Variants in ZBTB16 observed in about 807,000 individuals in gnomAD.
ZBTB16 encodes the protein zinc finger and BTB domain-containing protein 16.
A neutral mutation model predicts 56.8 loss-of-function variants in ZBTB16; 8 were observed. The observed-to-expected ratio is 0.14, with a 90% CI of 0.08 to 0.25. The LOEUF (loss-of-function observed/expected upper bound fraction) is 0.25. Ranked by LOEUF, ZBTB16 falls within the 10% of genes least tolerant of loss-of-function variation. The pLI, the probability that ZBTB16 is intolerant of heterozygous loss-of-function variation, is 1.00. For missense variants in ZBTB16, 625 were observed against 903.0 expected, an observed-to-expected ratio of 0.69 and a Z score of 3.95; for synonymous variants, 363 against 368.5, an observed-to-expected ratio of 0.98 and a Z score of 0.17.
chr11:114,096,950 AC>A (rs1294230174), intron 2 of ZBTB16, among the ~76,000 whole-genome samples: 4 of 151,690 alleles, frequency 2.6e-5, no homozygotes, highest in Non-Finnish European at 4.4e-5. Flanking sequence ...ACACACACAC[AC>A]CCCCTAAATA....
In ZBTB16 at chr11:114,152,476, A is replaced by G. The variant is rs555388316; in HGVS notation, c.1269-3861A>G. ...ATAATGATTCAGCTTTCTTGAGACA[A>G]TAGAAACTGGTTAGAGGTTAATGTG... On this transcript the variant is annotated intron_variant, in intron 2 of 6. Transcript: ENST00000335953. 2.6e-5 allele frequency among the ~76,000 whole-genome samples: 4 copies of G among 152,366 alleles called. No homozygotes were observed. The South Asian group carries it at 6.2e-4, about 24-fold the overall frequency.
rs1353430981 is a variant in ZBTB16, at chr11:114,255,986, G to A, written c.*5431G>A. 2.0e-5 allele frequency among the ~76,000 whole-genome samples: 3 copies of A among 150,396 alleles called. No homozygotes were observed. Among genetic ancestry groups the A allele is most frequent in the African/African-American group, 7.3e-5 (3 of 40,956 alleles). On this transcript the variant is annotated 3_prime_UTR_variant, in exon 7 of 7. Transcript: ENST00000335953. ...AATTCAGTTGTCTCTCGCTTGAAGC[G>A]TCCCACCTTTTTATTGAAGTACTTG...
At chr11:114,104,412 C>T (rs966853358) in intron 2 of ZBTB16, among the ~76,000 whole-genome samples, 2 of 152,210 alleles carry the variant, frequency 1.3e-5, no homozygotes, top group African/African-American at 2.4e-5. Flanking sequence ...ACATTTCTTA[C>T]TCTTCCTGGA....
intron 4 of ZBTB16, among the ~76,000 whole-genome samples, chr11:114,199,231 C>T (rs571084308): frequency 1.5e-4 from 23 of 148,772 alleles, no homozygotes; most frequent in African/African-American, 4.2e-4. Flanking sequence ...ACATGGATGC[C>T]GCTGGGCCCA....
At chr11:114,168,190 A>T (rs1942846688) in intron 3 of ZBTB16, among the ~76,000 whole-genome samples, 1 of 152,230 alleles carries the variant, frequency 6.6e-6, no homozygotes, top group Admixed American at 6.5e-5. Flanking sequence ...TTTGAAAAAT[A>T]ACCTAATGGG....
At chr11:114,125,080 T>C (rs1185551032) in intron 2 of ZBTB16, among the ~76,000 whole-genome samples, 1 of 152,012 alleles carries the variant, frequency 6.6e-6, no homozygotes, top group Non-Finnish European at 1.5e-5. Flanking sequence ...CTGCCTGTTT[T>C]CCTTTATAGT....
chr11:114,227,001 G>T (rs140021264), intron 4 of ZBTB16, among the ~76,000 whole-genome samples: 9 of 152,040 alleles, frequency 5.9e-5, no homozygotes, highest in Admixed American at 5.9e-4. Context: ...TCTCCCTCAG[G>T]CCTACGGACT....
chr11:114,064,696 C>A lies in ZBTB16; in HGVS notation c.1268+128C>A. 8.0e-7 allele frequency: 1 copy of A among 1,251,374 alleles called. No individual in the cohort carries two copies. The highest frequency in any genetic ancestry group is 1.1e-6 in the Non-Finnish European group (1 of 890,060). The allele number at this position is 1,251,374 out of a possible 1,614,324, so 77.5% of individuals were successfully genotyped here. The stretch of plus-strand genomic sequence containing the variant: ...TTGGCAATTTGTGAAAAAACCAGAA[C>A]ACTTCTTCTAAAGTTCTGGCGGGGA... On this transcript the variant is annotated intron_variant, in intron 2 of 6. Coordinates refer to ENST00000335953, the MANE Select transcript of ZBTB16 (RefSeq NM_006006.6). This position sits in a 1 kb window ranked among gnomAD's most constrained non-coding sequence, Gnocchi z 4.2.
At chr11:114,167,409 C>T in intron 3 of ZBTB16, among the ~76,000 whole-genome samples, 1 of 67,060 alleles carries the variant, frequency 1.5e-5, no homozygotes, top group Admixed American at 2.2e-4. Flanking sequence ...TTTAAATTCT[C>T]CCTCTACCCC....
At chr11:114,235,678 C>CTT (rs1555159907) in intron 4 of ZBTB16, among the ~76,000 whole-genome samples, 1 of 28,540 alleles carries the variant, frequency 3.5e-5, no homozygotes, top group Non-Finnish European at 9.0e-5. Flanking sequence ...TTCTTTCTTT[C>CTT]TTTCTTTCTT....
chr11:114,137,145 T>G (rs954012354), intron 2 of ZBTB16, among the ~76,000 whole-genome samples: 5 of 152,244 alleles, frequency 3.3e-5, no homozygotes, highest in Non-Finnish European at 7.3e-5. Flanking sequence ...CATCTGTGTC[T>G]TCTCTTGTTT....
chr11:114,103,684 C>T (rs755337717), intron 2 of ZBTB16, among the ~76,000 whole-genome samples: 11 of 152,036 alleles, frequency 7.2e-5, no homozygotes, highest in Non-Finnish European at 1.2e-4. Context: ...TTTTCTCTAG[C>T]GCTTATCAGA....
intron 2 of ZBTB16, among the ~76,000 whole-genome samples, chr11:114,108,311 T>C (rs1940873678): frequency 6.6e-6 from 1 of 152,146 alleles, no homozygotes; most frequent in Admixed American, 6.5e-5. Flanking sequence ...AGAACACCTA[T>C]CATCTCCAGC....
intron 2 of ZBTB16, among the ~76,000 whole-genome samples, chr11:114,131,833 G>A (rs1041545371): frequency 7.9e-5 from 12 of 152,190 alleles, no homozygotes; most frequent in African/African-American, 2.9e-4. Flanking sequence ...GGTTTGAATG[G>A]CTCTAAGTGA....
At chr11:114,172,114 C>G (rs964529348) in intron 3 of ZBTB16, among the ~76,000 whole-genome samples, 1 of 152,206 alleles carries the variant, frequency 6.6e-6, no homozygotes, top group African/African-American at 2.4e-5. Flanking sequence ...CCTCAATCCT[C>G]CTGCTGTGGG....
At position 114,250,552 on chromosome 11, in the gene ZBTB16, G is replaced by A. The variant is rs761157162; in HGVS notation, c.2019G>A (p.Val673=). The change falls in exon 7 of 7, where the codon GTG becomes GTA. Residue 673 remains valine, a synonymous_variant. Coordinates refer to ENST00000335953, the MANE Select transcript of ZBTB16 (RefSeq NM_006006.6). The surrounding 1 kb of genome is among the most constrained non-coding windows in gnomAD (Gnocchi z 6.0). ...IEKTYLYLCY[V] ...AGACGTACCTCTACCTGTGCTATGT[G>A]TGAAGGGAGGCCCGCGGCGGTGGAG... is the stretch of plus-strand genomic sequence containing the variant. The A allele has an allele frequency of 4.3e-6, 7 of 1,614,118 alleles. No homozygotes were observed. In the South Asian group the frequency reaches 7.7e-5, roughly 18 times the overall value.
chr11:114,065,821 C>T (rs1247463213), intron 2 of ZBTB16, among the ~76,000 whole-genome samples: 1 of 152,170 alleles, frequency 6.6e-6, no homozygotes, highest in Non-Finnish European at 1.5e-5. Context: ...AATTTAGGTC[C>T]TTACCCCCTG....
intron 2 of ZBTB16, among the ~76,000 whole-genome samples, chr11:114,073,001 G>A (rs1230885877): frequency 1.4e-5 from 2 of 146,208 alleles, no homozygotes; most frequent in Non-Finnish European, 3.0e-5. Context: ...GCAGTGAGCC[G>A]AGATCATGCC....
chr11:114,249,622 G>A (rs540956136), intron 6 of ZBTB16, among the ~76,000 whole-genome samples: 41 of 145,788 alleles, frequency 2.8e-4, no homozygotes, highest in Admixed American at 2.6e-3. Context: ...AAAATTAGCC[G>A]GGCGCGGTGG....
Sources: gnomAD v4.1 joint callset for allele counts (sites outside exome capture counted in the v4.1 genomes callset) on GRCh38, gnomAD v4.1.1 for gene constraint, Gnocchi (gnomAD v3.1) non-coding constraint, MANE v1.5 for transcripts, NCBI Gene and HGNC (gene_info 2026-07-23, HGNC 2026-07-21) for gene names.